The following CHRM3 variants were observed in gnomAD, a reference collection of about 807,000 sequenced individuals.
CHRM3 encodes muscarinic acetylcholine receptor M3.
A neutral mutation model predicts 41.8 loss-of-function variants in CHRM3; 11 were observed. The observed-to-expected ratio is 0.26, with a 90% CI of 0.17 to 0.44. The LOEUF (loss-of-function observed/expected upper bound fraction) is 0.44, where lower values mean the gene tolerates loss of function less well. CHRM3 is among the 20% of genes least tolerant of loss of function. The pLI is 1.00. For missense variants in CHRM3, 571 were observed against 745.4 expected, an observed-to-expected ratio of 0.77 and a Z score of 2.72; for synonymous variants, 297 against 301.4, an observed-to-expected ratio of 0.99 and a Z score of 0.15.
chr1:239,402,012 C>T lies in CHRM3; in HGVS notation c.-521+14785C>T, dbSNP rs144578578. ...CTCTTGTTGTTTGCAGCGGCATTTA[C>T]GGCATTTATGGCATCAAGTATTAGT... On this transcript the variant is annotated intron_variant, in intron 1 of 6. Coordinates refer to ENST00000676153, the MANE Select transcript of CHRM3 (RefSeq NM_001375978.1). Among the ~76,000 whole-genome samples, 145 of 152,210 alleles carry T rather than the reference C, an allele frequency of 9.5e-4. 2 individuals carry two copies. The East Asian group carries it at 0.018, about 19-fold the overall frequency.
rs1166599073 is a variant in CHRM3, at chr1:239,798,375, G to A, written c.-146-28877G>A. 7.2e-5 allele frequency among the ~76,000 whole-genome samples: 11 copies of A among 152,240 alleles called. No individual in the cohort carries two copies. In the South Asian group the frequency reaches 2.3e-3, roughly 32 times the overall value. The stretch of plus-strand genomic sequence containing the variant: ...GGTTGGCACCCCTAATCCCTGCATT[G>A]TTCAAGGTTCAATTGTATATGCCAG... On this transcript the variant is annotated intron_variant, in intron 5 of 6. Coordinates refer to ENST00000676153, the MANE Select transcript of CHRM3 (RefSeq NM_001375978.1).
intron 5 of CHRM3, among the ~76,000 whole-genome samples, chr1:239,804,734 G>A (rs941622272): frequency 1.3e-5 from 2 of 152,108 alleles, no homozygotes; most frequent in African/African-American, 2.4e-5. Context: ...CTTCCTAATC[G>A]ATGCCGAGGA....
At chr1:239,417,547 T>C (rs1043114911) in intron 1 of CHRM3, among the ~76,000 whole-genome samples, 26 of 151,754 alleles carry the variant, frequency 1.7e-4, no homozygotes, top group Admixed American at 1.1e-3. Context: ...AAAGCCAATA[T>C]GTCAGATTGA....
chr1:239,460,699 A>G (rs543737562), intron 1 of CHRM3, among the ~76,000 whole-genome samples: 1 of 152,316 alleles, frequency 6.6e-6, no homozygotes, highest in South Asian at 2.1e-4. Flanking sequence ...AAATAATGAT[A>G]TAAAAATTAG....
At chr1:239,709,860 G>A (rs1448983355) in intron 5 of CHRM3, among the ~76,000 whole-genome samples, 1 of 152,068 alleles carries the variant, frequency 6.6e-6, no homozygotes, top group Non-Finnish European at 1.5e-5. Flanking sequence ...TAAACCTCAA[G>A]TGTTTTAAAA....
At chr1:239,634,372 C>CGAAAGAAAGAAAGAAAG (rs1325807342) in intron 4 of CHRM3, among the ~76,000 whole-genome samples, 3 of 65,174 alleles carry the variant, frequency 4.6e-5, no homozygotes, top group African/African-American at 1.6e-4. Context: ...AAAGCAAGAA[C>CGAAAGAAAGAAAGAAAG]AAACGAAAGA....
At chr1:239,759,106 A>C (rs1363856442) in intron 5 of CHRM3, among the ~76,000 whole-genome samples, 1 of 151,212 alleles carries the variant, frequency 6.6e-6, no homozygotes, top group African/African-American at 2.4e-5. Flanking sequence ...GCAAAAAAGC[A>C]GGCATGAAAA....
At chr1:239,567,080 C>G (rs1471823135) in intron 3 of CHRM3, among the ~76,000 whole-genome samples, 2 of 152,110 alleles carry the variant, frequency 1.3e-5, no homozygotes, top group African/African-American at 2.4e-5. Context: ...TATGATTGCT[C>G]TTTCCAAACC....
intron 5 of CHRM3, among the ~76,000 whole-genome samples, chr1:239,688,494 T>C (rs1659374655): frequency 7.1e-6 from 1 of 140,906 alleles, no homozygotes; most frequent in South Asian, 2.1e-4. Flanking sequence ...TATACTATAA[T>C]ATATATTATA....
Position 239,549,032 on chromosome 1 carries a change from T to C in CHRM3, c.-313+3283T>C, listed in dbSNP as rs371868698. ...ATGGTGGAAAGCAAGGAGGAGCAAG[T>C]CACATTTTACATGGATGGCAGCAGG... is the stretch of plus-strand genomic sequence containing the variant. On this transcript the variant is annotated intron_variant, in intron 3 of 6. Transcript: ENST00000676153. 1.8e-4 allele frequency among the ~76,000 whole-genome samples: 27 copies of C among 152,168 alleles called. No homozygotes were observed. The South Asian group carries it at 3.7e-3, about 21-fold the overall frequency.
intron 2 of CHRM3, among the ~76,000 whole-genome samples, chr1:239,535,242 A>G (rs1658079447): frequency 1.3e-5 from 2 of 152,178 alleles, no homozygotes; most frequent in Non-Finnish European, 2.9e-5. Context: ...ACACTGGCCC[A>G]GAATCCACGT....
intron 1 of CHRM3, among the ~76,000 whole-genome samples, chr1:239,425,673 A>C (rs2103127837): frequency 6.6e-6 from 1 of 152,358 alleles, no homozygotes; most frequent in Admixed American, 6.5e-5. Flanking sequence ...AAACTAAATT[A>C]AAGAATACAC....
chr1:239,631,694 T>A (rs563890791), intron 3 of CHRM3, among the ~76,000 whole-genome samples: 2 of 152,230 alleles, frequency 1.3e-5, no homozygotes, highest in Admixed American at 1.3e-4. Flanking sequence ...GTGTCTGAAG[T>A]GGAGTTAGGG....
intron 4 of CHRM3, among the ~76,000 whole-genome samples, chr1:239,655,289 T>C (rs1053005525): frequency 6.6e-6 from 1 of 152,194 alleles, no homozygotes; most frequent in Non-Finnish European, 1.5e-5. Flanking sequence ...CCTGTCTTAG[T>C]ATTTTTGCAG....
At chr1:239,448,553 C>G (rs1273225157) in intron 1 of CHRM3, among the ~76,000 whole-genome samples, 1 of 152,038 alleles carries the variant, frequency 6.6e-6, no homozygotes, top group Admixed American at 6.6e-5. Flanking sequence ...AAAACATGAA[C>G]ACTCTATCAA....
chr1:239,447,912 G>A (rs1481940522), intron 1 of CHRM3, among the ~76,000 whole-genome samples: 1 of 152,030 alleles, frequency 6.6e-6, no homozygotes, highest in Non-Finnish European at 1.5e-5. Context: ...TTTTGTCTGG[G>A]TTTGATATGT....
chr1:239,756,432 A>G (rs1414447396), intron 5 of CHRM3, among the ~76,000 whole-genome samples: 2 of 152,218 alleles, frequency 1.3e-5, no homozygotes, highest in Non-Finnish European at 2.9e-5. Context: ...TTAGGTTAAT[A>G]TAATTGTATT....
intron 3 of CHRM3, among the ~76,000 whole-genome samples, chr1:239,560,359 A>G (rs1383369461): frequency 6.6e-6 from 1 of 152,118 alleles, no homozygotes; most frequent in Non-Finnish European, 1.5e-5. Flanking sequence ...TTGTAATCTT[A>G]AAAATACAAA....
chr1:239,473,942 A>C (rs1052456571), intron 1 of CHRM3, among the ~76,000 whole-genome samples: 29 of 152,160 alleles, frequency 1.9e-4, no homozygotes, highest in African/African-American at 6.5e-4. Context: ...GCAACTGAGA[A>C]AGAAATGGTA....
Sources: gnomAD v4.1 joint callset for allele counts (sites outside exome capture counted in the v4.1 genomes callset) on GRCh38, gnomAD v4.1.1 for gene constraint, MANE v1.5 for transcripts, NCBI Gene and HGNC (gene_info 2026-07-23, HGNC 2026-07-21) for gene names.